Variants in IARS2 observed in about 807,000 individuals in gnomAD.
IARS2 encodes the protein isoleucine--tRNA ligase, mitochondrial.
IARS2 carries 56 observed loss-of-function variants against 126.3 expected under a neutral mutation model. That is an observed-to-expected ratio of 0.44 (90% CI 0.36 to 0.55). IARS2 has a LOEUF of 0.55. IARS2 is among the 20% of genes least tolerant of loss of function. IARS2 has a pLI of 0.00. For missense variants in IARS2, 1,127 were observed against 1,245.9 expected (o/e 0.90, Z 1.44); for synonymous variants, 407 against 441.1 (o/e 0.92, Z 0.97).
At chr1:220,094,950 A>G (rs1656406033) in intron 1 of IARS2, among the ~76,000 whole-genome samples, 1 of 151,544 alleles carries the variant, frequency 6.6e-6, no homozygotes, top group Non-Finnish European at 1.5e-5. Context: ...CATATTGGCT[A>G]GTCACCCCCA....
Position 220,147,753 on chromosome 1 carries a change from G to A in IARS2, c.*118G>A. On this transcript the variant is annotated 3_prime_UTR_variant, in exon 23 of 23. Transcript: ENST00000366922. ...TAGGTAATGAGTGGATGAGTAAATG[G>A]TGGAGGATGGGAGTCAAAATCAGAA... 2.1e-6 allele frequency: 2 copies of A among 956,274 alleles called. No individual in the cohort carries two copies. The highest frequency in any genetic ancestry group is 3.1e-6 in the Non-Finnish European group (2 of 637,024). The allele number at this position is 956,274 out of a possible 1,614,324, so 59.2% of individuals were successfully genotyped here. A position where few individuals can be genotyped will look rare whatever the true frequency, so the allele number is the denominator to read the frequency against.
intron 11 of IARS2, 50 bp from the exon 12 acceptor site, chr1:220,114,264 A>G (rs1656870186): frequency 6.6e-7 from 1 of 1,526,268 alleles, no homozygotes; most frequent in Admixed American, 1.7e-5. Context: ...CTGTTCTAGA[A>G]TACTTGTTCT....
rs148207170 is a variant in IARS2, at chr1:220,123,634, C to T, written c.1641-1603C>T. ...GACTACAGGCGCCCGCCACCATGCCCGGCTAATTTTTTTGTATTTTTTTTA... is the reference window on the plus strand; with the variant it reads ...GACTACAGGCGCCCGCCACCATGCCTGGCTAATTTTTTTGTATTTTTTTTA... On this transcript the variant is annotated intron_variant, in intron 12 of 22. Transcript: ENST00000366922. Among the ~76,000 whole-genome samples the T allele has an allele frequency of 7.7e-3, 1,174 of 152,158 alleles. 47 individuals carry two copies. The highest frequency in any genetic ancestry group is 0.066 in the Admixed American group (1,004 of 15,256).
intron 14 of IARS2, among the ~76,000 whole-genome samples, chr1:220,128,035 A>G (rs1356597402): frequency 6.6e-6 from 1 of 152,208 alleles, no homozygotes; most frequent in East Asian, 1.9e-4. Flanking sequence ...TGGCCCCACA[A>G]GATGATAATA....
intron 3 of IARS2, among the ~76,000 whole-genome samples, chr1:220,101,789 A>G (rs1656578817): frequency 6.6e-6 from 1 of 152,132 alleles, no homozygotes. Flanking sequence ...TCACGAGGTC[A>G]GGAGATCCAG....
At chr1:220,112,160 C>T (rs1430805221) in intron 11 of IARS2, among the ~76,000 whole-genome samples, 1 of 57,178 alleles carries the variant, frequency 1.7e-5, no homozygotes, top group African/African-American at 8.2e-5. Flanking sequence ...CGGAGTCTCG[C>T]TCTGTCGCCC....
chr1:220,131,682 C>T lies in IARS2; in HGVS notation c.1838-2720C>T, dbSNP rs538322810. 4.6e-5 allele frequency among the ~76,000 whole-genome samples: 7 copies of T among 151,882 alleles called. No individual in the cohort carries two copies. The South Asian group carries it at 1.5e-3, about 32-fold the overall frequency. Reference sequence around the variant, plus strand: ...TATATTTTTAATAGAGATGGGGTTTCACCATGTTGGCCAGGCTGGTCTCGA... The same window carrying T: ...TATATTTTTAATAGAGATGGGGTTTTACCATGTTGGCCAGGCTGGTCTCGA... On this transcript the variant is annotated intron_variant, in intron 14 of 22. Coordinates refer to ENST00000366922, the MANE Select transcript of IARS2 (RefSeq NM_018060.4).
chr1:220,132,525 C>CTTTT (rs1368575100), intron 14 of IARS2, among the ~76,000 whole-genome samples: 2 of 128,966 alleles, frequency 1.6e-5, no homozygotes, highest in African/African-American at 2.8e-5. Context: ...CTTTCTCTCT[C>CTTTT]TTTTTTTTTT....
At chr1:220,131,650 C>G (rs1657269666) in intron 14 of IARS2, among the ~76,000 whole-genome samples, 1 of 152,028 alleles carries the variant, frequency 6.6e-6, no homozygotes, top group Non-Finnish European at 1.5e-5. Flanking sequence ...CTCTGCCCAG[C>G]AATTTTTATA....
intron 9 of IARS2, among the ~76,000 whole-genome samples, 196 bp from the exon 10 acceptor site, chr1:220,106,865 C>G (rs1656691448): frequency 6.6e-6 from 1 of 152,118 alleles, no homozygotes; most frequent in African/African-American, 2.4e-5. Flanking sequence ...TTCCTGACCT[C>G]AAGTGATCTG....
chr1:220,096,251 C>G lies in IARS2; in HGVS notation c.390+25C>G, dbSNP rs761994743. The G allele has an allele frequency of 4.8e-6, 7 of 1,463,802 alleles. No homozygotes were observed. In the East Asian group the frequency reaches 1.6e-4, roughly 34 times the overall value. 90.7% of individuals were successfully genotyped at this position (1,463,802 alleles called of 1,614,324 possible). ...GGTAACTATAATTTAGGTTATGACA[C>G]TTGAAAGAAAGTGTTTATGTAAATA... On this transcript the variant is annotated intron_variant, in intron 2 of 22. Transcript: ENST00000366922.
At chr1:220,147,231 G>A (rs1445192418) in intron 22 of IARS2, among the ~76,000 whole-genome samples, 2 of 152,174 alleles carry the variant, frequency 1.3e-5, no homozygotes, top group Admixed American at 1.3e-4. Context: ...CTCTGCCTGA[G>A]TAGATGTAGA....
intron 10 of IARS2, among the ~76,000 whole-genome samples, chr1:220,108,839 GTCTC>G (rs1281222907): frequency 2.4e-5 from 3 of 126,358 alleles, no homozygotes; most frequent in African/African-American, 9.3e-5. Flanking sequence ...GGTCTTAAAT[GTCTC>G]TCTGTGAATC....
In IARS2 at chr1:220,102,657, G is replaced by A. The variant is rs533806944; in HGVS notation, c.860-30G>A. ...CCAAAGTTATAGAATTATCCCATTT[G>A]CTAACATATTTACAATTGTATTTTC... On this transcript the variant is annotated intron_variant, in intron 6 of 22. Coordinates refer to ENST00000366922, the MANE Select transcript of IARS2 (RefSeq NM_018060.4). 3 of 1,592,086 alleles carry A rather than the reference G, an allele frequency of 1.9e-6. No homozygotes were observed. In the African/African-American group the frequency reaches 4.0e-5, roughly 21 times the overall value.
intron 19 of IARS2, 114 bp downstream of exon 19, chr1:220,140,403 C>T (rs116865543): frequency 0.023 from 15,031 of 640,200 alleles, 856 homozygotes; most frequent in South Asian, 0.14. Context: ...GCCAGGAGTT[C>T]GAGACCAGTA....
intron 1 of IARS2, 97 bp downstream of exon 1, chr1:220,094,580 G>A: frequency 9.5e-7 from 1 of 1,048,790 alleles, no homozygotes; most frequent in Non-Finnish European, 1.3e-6. Flanking sequence ...CTCCACGCCG[G>A]TGCGGGTGGG....
chr1:220,126,924 A>G (rs1034700975), intron 14 of IARS2, 81 bp downstream of exon 14: 1 of 980,416 alleles, frequency 1.0e-6, no homozygotes, highest in African/African-American at 1.6e-5. Flanking sequence ...CTATAATCAA[A>G]CTCTTTTTCT....
At chr1:220,142,063 GAC>G in intron 20 of IARS2, 115 bp downstream of exon 20, 2 of 940,598 alleles carry the variant, frequency 2.1e-6, no homozygotes, top group Non-Finnish European at 1.6e-6. Flanking sequence ...ACTGCTGTGT[GAC>G]ACAGTGTGTC....
In IARS2 at chr1:220,112,162, C is replaced by G. The variant is rs995540063; in HGVS notation, c.1479+1225C>G. Among the ~76,000 whole-genome samples the G allele has an allele frequency of 1.9e-4, 10 of 53,988 alleles. 2 individuals are homozygous for G. Among genetic ancestry groups the G allele is most frequent in the Non-Finnish European group, 3.2e-4 (9 of 27,944 alleles). The allele number at this position is 53,988 out of a possible 152,430, so 35.4% of individuals were successfully genotyped here. A position where few individuals can be genotyped will look rare whatever the true frequency, so the allele number is the denominator to read the frequency against. On this transcript the variant is annotated intron_variant, in intron 11 of 22. Transcript: ENST00000366922. ...TTTTTTTTTGAGACGGAGTCTCGCT[C>G]TGTCGCCCAGGTCGGACTGCGGACT...
Sources: allele counts gnomAD v4.1 joint callset (sites outside exome capture counted in the v4.1 genomes callset), GRCh38; gene constraint gnomAD v4.1.1; transcripts MANE v1.5; gene names NCBI Gene and HGNC (gene_info 2026-07-23, HGNC 2026-07-21).